ATP2B2: variants seen among roughly 807,000 people sequenced by gnomAD.
ATP2B2 encodes plasma membrane calcium-transporting ATPase 2.
ATP2B2 carries 15 observed loss-of-function variants against 120.0 expected under a neutral mutation model. The observed-to-expected ratio is 0.12, with a 90% CI of 0.08 to 0.19. ATP2B2 has a LOEUF of 0.19. Ranked by LOEUF, ATP2B2 falls within the 10% of genes least tolerant of loss-of-function variation. The pLI, the probability that ATP2B2 is intolerant of heterozygous loss-of-function variation, is 1.00. For synonymous variants in ATP2B2, 694 were observed against 700.3 expected, an observed-to-expected ratio of 0.99 and a Z score of 0.14; for missense variants, 1,045 against 1,719.8, an observed-to-expected ratio of 0.61 and a Z score of 6.94.
At chr3:10,625,371 G>C (rs534216961) in intron 1 of ATP2B2, among the ~76,000 whole-genome samples, 2 of 152,330 alleles carry the variant, frequency 1.3e-5, no homozygotes, top group East Asian at 3.9e-4. Context: ...GGTGGAGCCA[G>C]GGGGAGGAGT....
chr3:10,417,751 G>A (rs148489726), intron 2 of ATP2B2, among the ~76,000 whole-genome samples: 261 of 152,324 alleles, frequency 1.7e-3, no homozygotes, highest in East Asian at 0.013. Context: ...CCTGGCAGAA[G>A]TGTAGTTGTA....
chr3:10,436,623 G>A (rs2063488025), intron 2 of ATP2B2, among the ~76,000 whole-genome samples: 1 of 152,322 alleles, frequency 6.6e-6, no homozygotes, highest in South Asian at 2.1e-4. Context: ...ACTGATCCCT[G>A]CATGTCCCCG....
chr3:10,339,459 G>T lies in ATP2B2; in HGVS notation c.3237+783C>A, dbSNP rs777271957. Among the ~76,000 whole-genome samples, 128 of 152,318 alleles carry T rather than the reference G, an allele frequency of 8.4e-4. 2 individuals are homozygous for T. Among genetic ancestry groups the T allele is most frequent in the Middle Eastern group, 6.8e-3 (2 of 294 alleles). On this transcript the variant is annotated intron_variant, in intron 21 of 22. Coordinates refer to ENST00000360273, the MANE Select transcript of ATP2B2 (RefSeq NM_001001331.4). ...GGGAATCAGGCCCCTTAGGCCCTGA[G>T]TTGGTTCTGGGCCCTCCTCCCAAGC...
At chr3:10,449,913 A>G in intron 1 of ATP2B2, 51 bp from the exon 2 acceptor site, 1 of 369,796 alleles carries the variant, frequency 2.7e-6, no homozygotes, top group African/African-American at 2.1e-5. Context: ...TGGAGGCCAC[A>G]TGGGACAGGT....
intron 1 of ATP2B2, among the ~76,000 whole-genome samples, chr3:10,697,484 T>C (rs1370963051): frequency 1.3e-5 from 2 of 152,178 alleles, no homozygotes; most frequent in Admixed American, 6.5e-5. Flanking sequence ...CAACATACAG[T>C]AGGCCCTCCA....
chr3:10,340,216 C>T lies in ATP2B2; in HGVS notation c.3237+26G>A, dbSNP rs1273523751. The T allele has an allele frequency of 6.2e-7, 1 of 1,607,490 alleles. No homozygotes were observed. Among genetic ancestry groups the T allele is most frequent in the African/African-American group, 1.3e-5 (1 of 74,960 alleles). On this transcript the variant is annotated intron_variant, in intron 21 of 22. Coordinates refer to ENST00000360273, the MANE Select transcript of ATP2B2 (RefSeq NM_001001331.4). The surrounding 1 kb of genome is among the most constrained non-coding windows in gnomAD (Gnocchi z 5.0). ...GTCTCCCTTGCCCTGCTAACAGGCA[C>T]CTCCTGCGACCTACCAGGAACTTAC...
At chr3:10,504,839 G>A (rs1359329597) in intron 1 of ATP2B2, among the ~76,000 whole-genome samples, 1 of 152,118 alleles carries the variant, frequency 6.6e-6, no homozygotes, top group Admixed American at 6.5e-5. Flanking sequence ...AAAATGGCCT[G>A]GCCACCCGTT....
chr3:10,399,547 G>A (rs540718851), intron 5 of ATP2B2, among the ~76,000 whole-genome samples: 1 of 152,224 alleles, frequency 6.6e-6, no homozygotes. Flanking sequence ...TACTTTATTG[G>A]TTCTCTCCTT....
At chr3:10,698,387 G>C (rs547645468) in intron 1 of ATP2B2, among the ~76,000 whole-genome samples, 127 of 152,342 alleles carry the variant, frequency 8.3e-4, no homozygotes, top group Middle Eastern at 3.4e-3. Flanking sequence ...GAGCCACTGG[G>C]TTAACCAACT....
chr3:10,355,587 C>T (rs962973011), intron 14 of ATP2B2, among the ~76,000 whole-genome samples: 3 of 152,140 alleles, frequency 2.0e-5, no homozygotes, highest in African/African-American at 4.8e-5. Context: ...GGAAGTGGCT[C>T]GTTAGCGGCA....
intron 2 of ATP2B2, among the ~76,000 whole-genome samples, chr3:10,560,236 G>C (rs2067872992): frequency 6.6e-6 from 1 of 152,170 alleles, no homozygotes; most frequent in South Asian, 2.1e-4. Context: ...GGCAGGCCAG[G>C]GCGGGAAACC....
At chr3:10,405,538 G>A (rs1210220431) in intron 3 of ATP2B2, among the ~76,000 whole-genome samples, 1 of 152,196 alleles carries the variant, frequency 6.6e-6, no homozygotes, top group Admixed American at 6.5e-5. Flanking sequence ...AGAATAGGAA[G>A]GGGAGGGAAG....
intron 2 of ATP2B2, among the ~76,000 whole-genome samples, chr3:10,413,999 T>C (rs2062700065): frequency 6.6e-6 from 1 of 152,146 alleles, no homozygotes; most frequent in Non-Finnish European, 1.5e-5. Flanking sequence ...AGCTACAGTT[T>C]CCCCATTTCA....
intron 2 of ATP2B2, among the ~76,000 whole-genome samples, chr3:10,554,289 G>C (rs1394156087): frequency 6.6e-6 from 1 of 152,154 alleles, no homozygotes; most frequent in Non-Finnish European, 1.5e-5. Flanking sequence ...TCAGTTTCCA[G>C]GTGTGGAAGG....
rs930579782 is a variant in ATP2B2 at position 10,324,969 on chromosome 3, C to G, written c.*3845G>C. On this transcript the variant is annotated 3_prime_UTR_variant, in exon 23 of 23. Transcript: ENST00000360273. ...GATGGCGGGTCCACCCCAACACAAC[C>G]AAGGTGGGTGACTTTGGTTCCCAAG... The G allele has an allele frequency of 6.6e-6, 1 of 152,224 alleles. No individual in the cohort carries two copies. The highest frequency in any genetic ancestry group is 1.5e-5 in the Non-Finnish European group (1 of 68,042). The allele number at this position is 152,224 out of a possible 1,614,324, so 9.4% of individuals were successfully genotyped here.
At chr3:10,661,224 C>T (rs1374176336) in intron 1 of ATP2B2, among the ~76,000 whole-genome samples, 1 of 151,988 alleles carries the variant, frequency 6.6e-6, no homozygotes, top group African/African-American at 2.4e-5. Context: ...TCCTATTCAA[C>T]ATAGTGTTGG....
Position 10,449,388 on chromosome 3 carries a change from G to A in ATP2B2, c.156C>T (p.Asp52=). The change falls in exon 2 of 23, where the codon GAC becomes GAT. Residue 52 remains aspartate (D), a synonymous_variant. Transcript: ENST00000360273. The part of the protein sequence containing the change: ...AVVKIKETYG[D]TEAICRRLKT... Reference sequence around the variant, plus strand: ...TGAGGCGCCGGCAGATGGCTTCGGTGTCCCCATAAGTCTCCTTGATCTTGA... The same window carrying A: ...TGAGGCGCCGGCAGATGGCTTCGGTATCCCCATAAGTCTCCTTGATCTTGA... 1 of 1,614,250 alleles carries A rather than the reference G, an allele frequency of 6.2e-7. No individual in the cohort carries two copies.
chr3:10,525,292 G>A (rs1247460936), intron 3 of ATP2B2, among the ~76,000 whole-genome samples: 1 of 152,248 alleles, frequency 6.6e-6, no homozygotes, highest in Non-Finnish European at 1.5e-5. Context: ...CACTGCTGCT[G>A]TGGGGCCCTG....
chr3:10,472,035 T>C (rs972993781), intron 1 of ATP2B2, among the ~76,000 whole-genome samples: 3 of 141,126 alleles, frequency 2.1e-5, no homozygotes, highest in Non-Finnish European at 4.5e-5. Context: ...GAGCCGAGAT[T>C]GCGCCACTGC....
Sources: gnomAD v4.1 joint callset for allele counts (sites outside exome capture counted in the v4.1 genomes callset) on GRCh38, gnomAD v4.1.1 for gene constraint, Gnocchi (gnomAD v3.1) non-coding constraint, MANE v1.5 for transcripts, NCBI Gene and HGNC (gene_info 2026-07-23, HGNC 2026-07-21) for gene names.